Variants in CGGBP1 observed in about 807,000 individuals in gnomAD.
CGGBP1 encodes the protein CGG triplet repeat-binding protein 1.
In CGGBP1, 4 loss-of-function variants were observed where a neutral mutation model predicts 11.4. That is an observed-to-expected ratio of 0.35 (90% confidence interval 0.17 to 0.80). The LOEUF (loss-of-function observed/expected upper bound fraction) is 0.80, where lower values mean the gene tolerates loss of function less well. Among genes scored for constraint, CGGBP1 ranks in the 30% least tolerant of loss-of-function variants. The probability of loss-of-function intolerance (pLI) is 0.52; values close to 1 mark genes in which losing one functional copy is unlikely to be tolerated. For missense variants in CGGBP1, 135 were observed against 202.1 expected (o/e 0.67, Z 2.01); for synonymous variants, 76 against 74.1 (o/e 1.03, Z -0.13).
chr3:88,088,764 GGA>G (rs1406585293), intron 2 of CGGBP1, among the ~76,000 whole-genome samples: 21 of 149,362 alleles, frequency 1.4e-4, no homozygotes, highest in African/African-American at 4.2e-4. Flanking sequence ...ATGTATGTAT[GGA>G]TGGATGGATG....
intron 2 of CGGBP1, among the ~76,000 whole-genome samples, chr3:88,072,613 G>A (rs1357783424): frequency 6.6e-6 from 1 of 152,132 alleles, no homozygotes; most frequent in Non-Finnish European, 1.5e-5. Flanking sequence ...TAGAGAGATA[G>A]AGGCCTTCCC....
chr3:88,082,052 C>T (rs1690483237), intron 2 of CGGBP1, among the ~76,000 whole-genome samples: 1 of 152,064 alleles, frequency 6.6e-6, no homozygotes, highest in African/African-American at 2.4e-5. Context: ...CAAATTCATA[C>T]AGGAGTGTAT....
At chr3:88,073,462 T>C (rs1257737858) in intron 2 of CGGBP1, among the ~76,000 whole-genome samples, 1 of 152,104 alleles carries the variant, frequency 6.6e-6, no homozygotes, top group Non-Finnish European at 1.5e-5. Flanking sequence ...AGAATGAAAG[T>C]CTACATAAAA....
chr3:88,102,432 A>G (rs960586375), intron 2 of CGGBP1, among the ~76,000 whole-genome samples: 3 of 152,100 alleles, frequency 2.0e-5, no homozygotes, highest in African/African-American at 4.8e-5. Flanking sequence ...TATAATGTCA[A>G]ATTTGCTGTT....
intron 2 of CGGBP1, among the ~76,000 whole-genome samples, chr3:88,117,389 AAAT>A (rs980785702): frequency 4.6e-5 from 7 of 152,298 alleles, no homozygotes; most frequent in African/African-American, 1.4e-4. Flanking sequence ...ATGCCAGCAT[AAAT>A]AATGTCTGGA....
intron 2 of CGGBP1, among the ~76,000 whole-genome samples, chr3:88,106,873 T>C (rs7643923): frequency 0.78 from 119,131 of 152,064 alleles, 47,591 homozygotes; most frequent in South Asian, 0.91. Context: ...AAGAAGTGAA[T>C]TTTTCCCTGA....
chr3:88,088,844 C>T (rs577714786), intron 2 of CGGBP1, among the ~76,000 whole-genome samples: 45 of 152,012 alleles, frequency 3.0e-4, no homozygotes, highest in African/African-American at 1.1e-3. Context: ...ATGATCTCGG[C>T]TCACTGCAAC....
chr3:88,099,590 G>A (rs1559709592), intron 2 of CGGBP1, among the ~76,000 whole-genome samples: 2 of 152,158 alleles, frequency 1.3e-5, no homozygotes, highest in Admixed American at 6.5e-5. Context: ...CAAGGCTACA[G>A]TAACCAAAAC....
intron 2 of CGGBP1, chr3:88,128,806 T>C (rs1456716840): frequency 6.5e-7 from 1 of 1,529,704 alleles, no homozygotes; most frequent in Non-Finnish European, 8.8e-7. Flanking sequence ...CTTTTTAATA[T>C]AGTGAACAAA....
intron 2 of CGGBP1, among the ~76,000 whole-genome samples, chr3:88,115,810 CATT>C (rs777891036): frequency 4.2e-4 from 64 of 152,212 alleles, no homozygotes; most frequent in Non-Finnish European, 6.9e-4. Flanking sequence ...TCATCATCAT[CATT>C]ATATCTAGCA....
Position 88,142,606 on chromosome 3 carries a change from C to G in CGGBP1, c.-337-1528G>C, listed in dbSNP as rs1356255826. On this transcript the variant is annotated intron_variant, in intron 1 of 3. Coordinates refer to the CGGBP1 transcript ENST00000462901. ...TCCTTTAGACATTAATGTGAGTTAT[C>G]TAAGTACAGTCCTATTAAAATAACT... 21 of 152,440 alleles carry G rather than the reference C, an allele frequency of 1.4e-4. No individual in the cohort carries two copies. In the East Asian group the frequency reaches 3.7e-3, roughly 27 times the overall value. 9.4% of individuals were successfully genotyped at this position (152,440 alleles called of 1,614,324 possible).
intron 2 of CGGBP1, chr3:88,134,938 C>T (rs558901827): frequency 3.5e-5 from 20 of 572,586 alleles, no homozygotes; most frequent in Non-Finnish European, 5.0e-5. Context: ...TGGGGGTGAA[C>T]GTAATACATA....
chr3:88,109,531 C>T (rs1262355402), intron 2 of CGGBP1, among the ~76,000 whole-genome samples: 1 of 152,052 alleles, frequency 6.6e-6, no homozygotes, highest in African/African-American at 2.4e-5. Flanking sequence ...TTTCCTATGG[C>T]AGATAAATGC....
At chr3:88,106,792 C>T (rs2107739782) in intron 2 of CGGBP1, among the ~76,000 whole-genome samples, 1 of 152,222 alleles carries the variant, frequency 6.6e-6, no homozygotes, top group South Asian at 2.1e-4. Flanking sequence ...TTCTCAGTAA[C>T]CAAGTTATAT....
intron 2 of CGGBP1, among the ~76,000 whole-genome samples, chr3:88,124,377 ATATT>A (rs1705957539): frequency 6.6e-6 from 1 of 152,154 alleles, no homozygotes. Context: ...AACTTAGAAG[ATATT>A]TATTTTCATA....
chr3:88,080,764 T>C (rs1708036302), intron 2 of CGGBP1, among the ~76,000 whole-genome samples: 2 of 152,156 alleles, frequency 1.3e-5, no homozygotes, highest in Non-Finnish European at 2.9e-5. Flanking sequence ...TCAAATAACA[T>C]CCAGAAAATC....
chr3:88,126,450 G>A (rs1268742299), intron 2 of CGGBP1, among the ~76,000 whole-genome samples: 2 of 151,770 alleles, frequency 1.3e-5, no homozygotes, highest in Non-Finnish European at 2.9e-5. Flanking sequence ...TCTGACACCT[G>A]GATCGGTACA....
intron 2 of CGGBP1, among the ~76,000 whole-genome samples, chr3:88,079,092 A>C (rs79127066): frequency 0.057 from 8,665 of 152,146 alleles, 272 homozygotes; most frequent in Admixed American, 0.078. Context: ...AACTATAAAA[A>C]GTTATTGGAT....
At chr3:88,126,211 A>C in intron 2 of CGGBP1, 1 of 1,531,360 alleles carries the variant, frequency 6.5e-7, no homozygotes, top group Non-Finnish European at 8.7e-7. Flanking sequence ...ATGGTGGCCC[A>C]TGGGAAGATC....
Sources: gnomAD v4.1 joint callset for allele counts (sites outside exome capture counted in the v4.1 genomes callset) on GRCh38, gnomAD v4.1.1 for gene constraint, MANE v1.5 for transcripts, NCBI Gene and HGNC (gene_info 2026-07-23, HGNC 2026-07-21) for gene names.